The following FIS1 variants were observed in gnomAD, a reference collection of about 807,000 sequenced individuals.
FIS1 encodes the protein mitochondrial fission 1 protein.
FIS1 carries 16 observed loss-of-function variants against 21.6 expected under a neutral mutation model. The observed-to-expected ratio is 0.74, with a 90% CI of 0.50 to 1.12. The LOEUF is 1.12. Ranked by LOEUF, FIS1 falls within the 50% of genes most tolerant of loss-of-function variation. The pLI, the probability that FIS1 is intolerant of heterozygous loss-of-function variation, is 0.00. For missense variants in FIS1, 198 were observed against 190.9 expected, an observed-to-expected ratio of 1.04 and a Z score of -0.22; for synonymous variants, 92 against 82.2, an observed-to-expected ratio of 1.12 and a Z score of -0.65.
chr7:101,242,464 TAAGA>T lies in FIS1; in HGVS notation c.178+1539_178+1542del, dbSNP rs565166933. ...ATAGGGTAAAATTATTTGTATCTTT[TAAGA>T]AAGAGTCTTATTTTTATAGTTTTTT... On this transcript the variant is annotated intron_variant, in intron 2 of 4. Transcript: ENST00000223136. Among the ~76,000 whole-genome samples, 382 of 151,730 alleles carry T rather than the reference TAAGA, an allele frequency of 2.5e-3. 2 individuals carry two copies. The highest frequency in any genetic ancestry group is 8.7e-3 in the African/African-American group (361 of 41,384).
Position 101,240,858 on chromosome 7 carries a change from TAGA to T in FIS1, c.224_226del (p.Phe75del), listed in dbSNP as rs1562907692. 2 of 1,614,066 alleles carry T rather than the reference TAGA, an allele frequency of 1.2e-6. No individual in the cohort carries two copies. The highest frequency in any genetic ancestry group is 2.2e-5 in the South Asian group (2 of 91,078). ...GAGCCGGTAGTTCCCCACGGCCAGG[TAGA>T]AGACGTAATCCCGCTGTTCCTCCTT... is the stretch of plus-strand genomic sequence containing the variant. On this transcript the variant is annotated inframe_deletion, in exon 3 of 5. Coordinates refer to ENST00000223136, the MANE Select transcript of FIS1 (RefSeq NM_016068.3).
intron 2 of FIS1, among the ~76,000 whole-genome samples, chr7:101,242,432 G>T (rs763545799): frequency 1.3e-4 from 19 of 151,506 alleles, no homozygotes; most frequent in Admixed American, 1.1e-3. Context: ...TGCCGAAGTA[G>T]ACAAACATAG....
intron 1 of FIS1, 56 bp downstream of exon 1, chr7:101,244,904 C>G (rs377576120): frequency 6.8e-6 from 11 of 1,605,858 alleles, no homozygotes; most frequent in African/African-American, 2.7e-5. Context: ...CTACCTGACT[C>G]TCCTCAGGAC....
chr7:101,241,003 G>C, intron 2 of FIS1, 97 bp from the exon 3 acceptor site: 1 of 1,207,772 alleles, frequency 8.3e-7, no homozygotes, highest in Non-Finnish European at 1.2e-6. Flanking sequence ...GAATGCCTCT[G>C]TGATCCTGGG....
chr7:101,240,191 G>A lies in FIS1; in HGVS notation c.312C>T (p.Asn104=). The change falls in exon 4 of 5, where the codon AAC becomes AAT. Residue 104 remains asparagine (N), a synonymous_variant. Transcript: ENST00000223136. The part of the protein sequence containing the change: ...VRGLLQTEPQ[N]NQAKELERLI... The stretch of plus-strand genomic sequence containing the variant: ...GCCGCTCCAGTTCCTTGGCCTGGTT[G>A]TTCTGGGGCTCTGTCTGCAGCAACC... The A allele has an allele frequency of 1.2e-6, 2 of 1,614,222 alleles. No homozygotes were observed. Among genetic ancestry groups the A allele is most frequent in the South Asian group, 2.2e-5 (2 of 91,086 alleles).
chr7:101,242,492 T>TGA (rs1241313477), intron 2 of FIS1, among the ~76,000 whole-genome samples: 1 of 149,754 alleles, frequency 6.7e-6, no homozygotes, highest in East Asian at 1.9e-4. Context: ...TTATAGTTTT[T>TGA]TTTTTTTTTT....
chr7:101,244,538 G>A (rs1249163847), intron 1 of FIS1: 2 of 338,732 alleles, frequency 5.9e-6, no homozygotes, highest in Non-Finnish European at 1.1e-5. Context: ...TATTGTCCAG[G>A]AATAGAAGTA....
chr7:101,240,111 C>CCCAGCA, intron 4 of FIS1, 31 bp downstream of exon 4: 2 of 1,608,082 alleles, frequency 1.2e-6, no homozygotes, highest in Non-Finnish European at 1.7e-6. Flanking sequence ...TGGGGAAGAG[C>CCCAGCA]GGGGCTGAAC....
rs1405979679 is a variant in FIS1, at chr7:101,244,054, C to CGCACCAG, written c.124_130dup (p.Arg44ProfsTer8). On this transcript the variant is annotated frameshift_variant, in exon 2 of 5. Transcript: ENST00000223136. LOFTEE classifies it high-confidence loss of function. ...ACGGATGTCATCATTGTACTTGCTC[C>CGCACCAG]GCACCAGGCACCAGGCGTACTCAAA... 2 of 1,613,872 alleles carry CGCACCAG rather than the reference C, an allele frequency of 1.2e-6. No homozygotes were observed. Among genetic ancestry groups the CGCACCAG allele is most frequent in the Non-Finnish European group, 1.7e-6 (2 of 1,179,992 alleles).
rs1473642263 is a variant in FIS1 at position 101,241,216 on chromosome 7, G to A, written c.179-310C>T. 2.1e-5 allele frequency: 7 copies of A among 330,452 alleles called. No homozygotes were observed. In the East Asian group the frequency reaches 4.3e-4, roughly 20 times the overall value. 20.5% of individuals were successfully genotyped at this position (330,452 alleles called of 1,614,324 possible). On this transcript the variant is annotated intron_variant, in intron 2 of 4. Coordinates refer to ENST00000223136, the MANE Select transcript of FIS1 (RefSeq NM_016068.3). The stretch of plus-strand genomic sequence containing the variant: ...GCCAAAGGCAGCGTGACTCAGTTTT[G>A]GCATCTGCTGTGGTATTTTTTTTCA...
In FIS1 at chr7:101,245,045, C is replaced by A. The variant is rs1554384870; in HGVS notation, c.-41G>T. The stretch of plus-strand genomic sequence containing the variant: ...GAGCCTCACACTACAGTCTACTGTG[C>A]CACAGTCTCCATGGCCCAGTGGCAG... On this transcript the variant is annotated 5_prime_UTR_variant, in exon 1 of 5. Transcript: ENST00000223136. 6.8e-6 allele frequency: 11 copies of A among 1,609,020 alleles called. No homozygotes were observed. The South Asian group carries it at 1.2e-4, about 18-fold the overall frequency.
At chr7:101,244,847 G>T in intron 1 of FIS1, 113 bp downstream of exon 1, 1 of 1,350,662 alleles carries the variant, frequency 7.4e-7, no homozygotes, top group Non-Finnish European at 1.0e-6. Flanking sequence ...GGGAGCCGTA[G>T]TTCGGCTTCC....
chr7:101,240,851 G>T lies in FIS1; in HGVS notation c.234C>A (p.Ala78=). The change falls in exon 3 of 5, where the codon GCC becomes GCA. Residue 78 remains alanine (A), a synonymous_variant. Coordinates refer to ENST00000223136, the MANE Select transcript of FIS1 (RefSeq NM_016068.3). ...TCACCTTGAGCCGGTAGTTCCCCAC[G>T]GCCAGGTAGAAGACGTAATCCCGCT... ...EEQRDYVFYL[A]VGNYRLKEYE... 6.2e-7 allele frequency: 1 copy of T among 1,614,042 alleles called. No homozygotes were observed. The highest frequency in any genetic ancestry group is 8.5e-7 in the Non-Finnish European group (1 of 1,180,020).
intron 2 of FIS1, chr7:101,241,594 A>G (rs1798749279): frequency 6.7e-6 from 1 of 148,490 alleles, no homozygotes; most frequent in Admixed American, 6.8e-5. Flanking sequence ...ACTCACCTTC[A>G]ATCAGCCTTC....
At chr7:101,241,125 C>T in intron 2 of FIS1, 2 of 583,294 alleles carry the variant, frequency 3.4e-6, no homozygotes, top group South Asian at 2.0e-5. Flanking sequence ...ACAGAACATG[C>T]CTTTTATCAG....
chr7:101,240,854 C>A lies in FIS1; in HGVS notation c.231G>T (p.Leu77=). The A allele has an allele frequency of 3.1e-6, 5 of 1,614,074 alleles. No individual in the cohort carries two copies. The highest frequency in any genetic ancestry group is 4.2e-6 in the Non-Finnish European group (5 of 1,180,048). The change falls in exon 3 of 5, where the codon CTG becomes CTT. Residue 77 remains leucine, a synonymous_variant. Coordinates refer to ENST00000223136, the MANE Select transcript of FIS1 (RefSeq NM_016068.3). ...CCTTGAGCCGGTAGTTCCCCACGGC[C>A]AGGTAGAAGACGTAATCCCGCTGTT... The part of the protein sequence containing the change: ...KEEQRDYVFY[L]AVGNYRLKEY...
At position 101,239,759 on chromosome 7, in the gene FIS1, A is replaced by G; in HGVS notation, c.*47T>C. 2 of 1,427,650 alleles carry G rather than the reference A, an allele frequency of 1.4e-6. No individual in the cohort carries two copies. Among genetic ancestry groups the G allele is most frequent in the Middle Eastern group, 3.5e-4 (2 of 5,696 alleles). The allele number at this position is 1,427,650 out of a possible 1,614,324, so 88.4% of individuals were successfully genotyped here. On this transcript the variant is annotated 3_prime_UTR_variant, in exon 5 of 5. Coordinates refer to ENST00000223136, the MANE Select transcript of FIS1 (RefSeq NM_016068.3). ...GGAGAACAGGGAAAGGACAGCGAGG[A>G]TGGACAGGCCCTCCTGGAGCGTTCT...
rs764112759 is a variant in FIS1 at position 101,240,896 on chromosome 7, G to C, written c.189C>G (p.Pro63=). ...KGIVLLEELL[P]KGSKEEQRDY... is the part of the protein sequence containing the mutation. ...CCCGCTGTTCCTCCTTGCTCCCTTT[G>C]GGCAGCAGCTCTGGGGAGGGGCAGA... The change falls in exon 3 of 5, where the codon CCC becomes CCG. Residue 63 remains proline (P), a synonymous_variant. Coordinates refer to ENST00000223136, the MANE Select transcript of FIS1 (RefSeq NM_016068.3). 1 of 1,614,094 alleles carries C rather than the reference G, an allele frequency of 6.2e-7. No individual in the cohort carries two copies. Among genetic ancestry groups the C allele is most frequent in the Admixed American group, 1.7e-5 (1 of 60,010 alleles).
intron 4 of FIS1, 28 bp from the exon 5 acceptor site, chr7:101,239,931 A>T: frequency 6.4e-7 from 1 of 1,565,058 alleles, no homozygotes; most frequent in Non-Finnish European, 8.7e-7. Flanking sequence ...CAGTGTCAGG[A>T]GCCCGGCCCC....
Sources: gnomAD v4.1 joint callset for allele counts (sites outside exome capture counted in the v4.1 genomes callset) on GRCh38, gnomAD v4.1.1 for gene constraint, MANE v1.5 for transcripts, NCBI Gene and HGNC (gene_info 2026-07-23, HGNC 2026-07-21) for gene names.